Variants in ABTB2 observed in about 807,000 individuals in gnomAD.
ABTB2 encodes ankyrin repeat and BTB domain containing 2.
In ABTB2, 56 loss-of-function variants were observed where a neutral mutation model predicts 104.1. That is an observed-to-expected ratio of 0.54 (90% CI 0.43 to 0.67). The LOEUF is 0.67. ABTB2 is among the 30% of genes least tolerant of loss of function. The probability of loss-of-function intolerance (pLI) is 0.00; values close to 1 mark genes in which losing one functional copy is unlikely to be tolerated. For synonymous variants in ABTB2, 606 were observed against 608.2 expected (o/e 1.00, Z 0.05); for missense variants, 1,279 against 1,407.7 (o/e 0.91, Z 1.46).
At chr11:34,242,179 C>T (rs61217043) in intron 1 of ABTB2, among the ~76,000 whole-genome samples, 3,803 of 152,276 alleles carry the variant, frequency 0.025, 161 homozygotes, top group African/African-American at 0.086. Flanking sequence ...TTCGGTCATG[C>T]TTGTGATGAG....
chr11:34,274,158 CAAAAAAAAAAAAA>C (rs763755237), intron 1 of ABTB2, among the ~76,000 whole-genome samples: 3 of 50,734 alleles, frequency 5.9e-5, no homozygotes, highest in African/African-American at 7.1e-5. Flanking sequence ...GACTCCGTCT[CAAAAAAAAAAAAA>C]AAAAAAAAAA....
intron 1 of ABTB2, among the ~76,000 whole-genome samples, chr11:34,340,491 G>C (rs1258969176): frequency 6.6e-6 from 1 of 152,254 alleles, no homozygotes; most frequent in South Asian, 2.1e-4. Flanking sequence ...CAAGTGACTG[G>C]GGGAGTCAAG....
At chr11:34,287,350 C>G (rs920254033) in intron 1 of ABTB2, among the ~76,000 whole-genome samples, 2 of 152,010 alleles carry the variant, frequency 1.3e-5, no homozygotes, top group Admixed American at 6.6e-5. Context: ...GAGTTTGAGA[C>G]CAGCCTGAGA....
At chr11:34,330,906 A>C (rs528030009) in intron 1 of ABTB2, among the ~76,000 whole-genome samples, 2 of 152,252 alleles carry the variant, frequency 1.3e-5, no homozygotes, top group Non-Finnish European at 2.9e-5. Context: ...AAGTACAGGT[A>C]AGATCCCCTT....
intron 1 of ABTB2, among the ~76,000 whole-genome samples, chr11:34,234,656 T>C (rs1346558701): frequency 6.6e-6 from 1 of 152,136 alleles, no homozygotes; most frequent in African/African-American, 2.4e-5. Context: ...ATCTTTTCCT[T>C]ATGAAAAGGC....
intron 6 of ABTB2, 137 bp from the exon 7 acceptor site, chr11:34,167,497 G>T: frequency 1.3e-6 from 1 of 767,072 alleles, no homozygotes; most frequent in Non-Finnish European, 2.2e-6. Flanking sequence ...AAGTGGACAA[G>T]GCTCAAAAAG....
chr11:34,177,333 T>G (rs1409196341), intron 3 of ABTB2, among the ~76,000 whole-genome samples: 3 of 152,214 alleles, frequency 2.0e-5, no homozygotes, highest in African/African-American at 7.2e-5. Context: ...CTGGACTCAC[T>G]GGGTATACAC....
At chr11:34,303,273 C>T (rs1354507776) in intron 1 of ABTB2, among the ~76,000 whole-genome samples, 1 of 152,218 alleles carries the variant, frequency 6.6e-6, no homozygotes, top group East Asian at 1.9e-4. Context: ...GCCAGCCCAC[C>T]AACTACTGGC....
At chr11:34,253,275 G>C (rs991684171) in intron 1 of ABTB2, among the ~76,000 whole-genome samples, 58 of 152,298 alleles carry the variant, frequency 3.8e-4, no homozygotes, top group African/African-American at 1.2e-3. Context: ...TCTTCCTTCA[G>C]AGTGACAGGG....
At chr11:34,309,177 T>A (rs545888500) in intron 1 of ABTB2, among the ~76,000 whole-genome samples, 1 of 152,252 alleles carries the variant, frequency 6.6e-6, no homozygotes, top group East Asian at 1.9e-4. Context: ...TGGACGTGTG[T>A]TTTTTTGCCA....
rs150416485 is a variant in ABTB2, at chr11:34,197,425, C to T, written c.1144G>A (p.Asp382Asn). ...AAGTAGTAGAGCGTGTGGAGGGCGTCGGGGGACCAAGTGATGGGCTGTGGC... is the reference window on the plus strand; with the variant it reads ...AAGTAGTAGAGCGTGTGGAGGGCGTTGGGGGACCAAGTGATGGGCTGTGGC... ...QPPQPITWSP[D>N]ALHTLYYFLR... Residue 382 changes from aspartate (D) to asparagine (N), a missense_variant, in exon 3 of 17, where the codon GAC (aspartate) becomes AAC (asparagine). Transcript: ENST00000435224. 136 of 1,607,602 alleles carry T rather than the reference C, an allele frequency of 8.5e-5. 1 individual carries two copies. In the African/African-American group the frequency reaches 1.2e-3, roughly 14 times the overall value.
At chr11:34,303,605 C>T (rs934236656) in intron 1 of ABTB2, among the ~76,000 whole-genome samples, 2 of 148,908 alleles carry the variant, frequency 1.3e-5, no homozygotes, top group African/African-American at 4.9e-5. Flanking sequence ...GCTTATACAG[C>T]TGTCCCCCTA....
At chr11:34,286,200 G>A (rs987852157) in intron 1 of ABTB2, among the ~76,000 whole-genome samples, 2 of 151,882 alleles carry the variant, frequency 1.3e-5, no homozygotes, top group Non-Finnish European at 1.5e-5. Context: ...GCTCACACCT[G>A]TAATCCCAGC....
At chr11:34,191,358 T>C (rs1158709953) in intron 3 of ABTB2, among the ~76,000 whole-genome samples, 1 of 152,166 alleles carries the variant, frequency 6.6e-6, no homozygotes, top group Non-Finnish European at 1.5e-5. Flanking sequence ...CTCTTTGAAA[T>C]TCTGTCTAGC....
chr11:34,357,187 G>A lies in ABTB2; in HGVS notation c.397C>T (p.Arg133Cys), dbSNP rs1590269580. ...EAVRRLAGLL[R>C]RALIRVAREA... ...CGGGCCACGCGGATCAGTGCCCTGC[G>A]GAGCAGCCCGGCCAGGCGCCTCACC... The change falls in exon 1 of 17, where the codon CGC becomes TGC. Residue 133 changes from arginine (R) to cysteine (C), a missense_variant. Coordinates refer to ENST00000435224, the MANE Select transcript of ABTB2 (RefSeq NM_145804.3). 2.0e-6 allele frequency: 3 copies of A among 1,507,976 alleles called. No individual in the cohort carries two copies. Among genetic ancestry groups the A allele is most frequent in the East Asian group, 5.1e-5 (2 of 39,530 alleles). 93.4% of individuals were successfully genotyped at this position (1,507,976 alleles called of 1,614,324 possible). A position where few individuals can be genotyped will look rare whatever the true frequency, so the allele number is the denominator to read the frequency against.
intron 1 of ABTB2, among the ~76,000 whole-genome samples, chr11:34,253,556 A>AT (rs1406861053): frequency 6.6e-6 from 1 of 152,004 alleles, no homozygotes; most frequent in Non-Finnish European, 1.5e-5. Context: ...CACTCTTGTA[A>AT]TCCCAGCTAC....
intron 1 of ABTB2, among the ~76,000 whole-genome samples, chr11:34,267,631 G>T (rs1460649819): frequency 6.6e-6 from 1 of 152,240 alleles, no homozygotes; most frequent in Non-Finnish European, 1.5e-5. Context: ...AATCACCCTA[G>T]TGGGGGAAAG....
intron 3 of ABTB2, among the ~76,000 whole-genome samples, chr11:34,186,136 C>A (rs904382767): frequency 6.6e-6 from 1 of 152,262 alleles, no homozygotes; most frequent in Non-Finnish European, 1.5e-5. Flanking sequence ...AGCTTTTGCT[C>A]TCTCAGCCTC....
At chr11:34,241,728 A>G (rs11827045) in intron 1 of ABTB2, among the ~76,000 whole-genome samples, 7,720 of 152,282 alleles carry the variant, frequency 0.051, 550 homozygotes, top group African/African-American at 0.16. Flanking sequence ...CCCCATCTCA[A>G]TTTTCTTCAG....
Sources: gnomAD v4.1 joint callset for allele counts (sites outside exome capture counted in the v4.1 genomes callset) on GRCh38, gnomAD v4.1.1 for gene constraint, MANE v1.5 for transcripts, NCBI Gene and HGNC (gene_info 2026-07-23, HGNC 2026-07-21) for gene names.